Variants in NHLRC3 observed in about 807,000 individuals in gnomAD.
NHLRC3 encodes NHL repeat containing 3.
NHLRC3 carries 23 observed loss-of-function variants against 32.0 expected under a neutral mutation model. The observed-to-expected ratio is 0.72, with a 90% CI of 0.52 to 1.02. The LOEUF is 1.02. Ranked by LOEUF, NHLRC3 falls within the 50% of genes least tolerant of loss-of-function variation. The pLI, the probability that NHLRC3 is intolerant of heterozygous loss-of-function variation, is 0.00. For synonymous variants in NHLRC3, 159 were observed against 147.9 expected (o/e 1.08, Z -0.55); for missense variants, 407 against 406.8 (o/e 1.00, Z -0.01).
intron 3 of NHLRC3, 48 bp from the exon 4 acceptor site, chr13:39,042,057 G>A (rs748861996): frequency 1.2e-5 from 14 of 1,136,078 alleles, no homozygotes; most frequent in African/African-American, 6.2e-5. Context: ...AAATCTGAAT[G>A]TTTGTATAGT....
chr13:39,047,862 T>C lies in NHLRC3; in HGVS notation c.980T>C (p.Ile327Thr), dbSNP rs1272705197. The change falls in exon 7 of 7, where the codon ATT (isoleucine) becomes ACT (threonine). Residue 327 changes from isoleucine (I) to threonine (T), a missense_variant. Physicochemically the swap from Ile to Thr is moderately conservative, Grantham distance 89. Transcript: ENST00000379600. ...ACTGGAGCAGTCTATGTAGCAGAAATTGGAGCAAAACAAGTACAAAAATAT... is the reference window on the plus strand; with the variant it reads ...ACTGGAGCAGTCTATGTAGCAGAAACTGGAGCAAAACAAGTACAAAAATAT... ...RKTGAVYVAEIGAKQVQKYVP... is the reference protein window; with the variant it reads ...RKTGAVYVAETGAKQVQKYVP... 1.2e-6 allele frequency: 2 copies of C among 1,613,916 alleles called. No homozygotes were observed. Among genetic ancestry groups the C allele is most frequent in the South Asian group, 1.1e-5 (1 of 91,076 alleles).
chr13:39,049,251 C>T lies in NHLRC3; in HGVS notation c.*1325C>T, dbSNP rs1007152753. ...GTTATGGCTGGAGTATTTTCCAGACCTGAAGGGACTCACACTTGTTTTGAT... is the reference window on the plus strand; with the variant it reads ...GTTATGGCTGGAGTATTTTCCAGACTTGAAGGGACTCACACTTGTTTTGAT... On this transcript the variant is annotated 3_prime_UTR_variant, in exon 7 of 7. Coordinates refer to ENST00000379600, the MANE Select transcript of NHLRC3 (RefSeq NM_001012754.4). The T allele has an allele frequency of 6.6e-6, 1 of 152,570 alleles. No homozygotes were observed. Among genetic ancestry groups the T allele is most frequent in the African/African-American group, 2.4e-5 (1 of 41,424 alleles). 9.5% of individuals were successfully genotyped at this position (152,570 alleles called of 1,614,324 possible). A position where few individuals can be genotyped will look rare whatever the true frequency, so the allele number is the denominator to read the frequency against.
chr13:39,047,001 A>T (rs1346589341), intron 5 of NHLRC3, 39 bp from the exon 6 acceptor site: 3 of 1,210,990 alleles, frequency 2.5e-6, no homozygotes, highest in African/African-American at 1.5e-5. Flanking sequence ...TTTTCTTCTC[A>T]TGGATATTTT....
At position 39,042,524 on chromosome 13, in the gene NHLRC3, A is replaced by C. The variant is rs151069206; in HGVS notation, c.586+219A>C. Among the ~76,000 whole-genome samples, 446 of 152,334 alleles carry C rather than the reference A, an allele frequency of 2.9e-3. 2 individuals carry two copies. The highest frequency in any genetic ancestry group is 9.6e-3 in the African/African-American group (398 of 41,564). On this transcript the variant is annotated intron_variant, in intron 4 of 6. Transcript: ENST00000379600. The stretch of plus-strand genomic sequence containing the variant: ...TCACCAAAGGCCAGGAGATTCCTCC[A>C]AAAGTAACTGGCAACAGTATGAGAA...
At chr13:39,039,062 A>AGCC in intron 1 of NHLRC3, 74 bp from the exon 2 acceptor site, 3 of 523,988 alleles carry the variant, frequency 5.7e-6, no homozygotes, top group Non-Finnish European at 1.1e-5. Flanking sequence ...AAGCCCTGTT[A>AGCC]CCCGGCCCCC....
rs1049748009 is a variant in NHLRC3 at position 39,049,826 on chromosome 13, A to T, written c.*1900A>T. ...GAAGTGCAAATGCCTCTTTGAAGCA[A>T]TTCAGGCTAGGTAAACCGATTTTGC... On this transcript the variant is annotated 3_prime_UTR_variant, in exon 7 of 7. Transcript: ENST00000379600. 1.5e-4 allele frequency: 23 copies of T among 152,174 alleles called. No individual in the cohort carries two copies. Among genetic ancestry groups the T allele is most frequent in the Admixed American group, 4.6e-4 (7 of 15,288 alleles). The allele number at this position is 152,174 out of a possible 1,614,324, so 9.4% of individuals were successfully genotyped here.
intron 4 of NHLRC3, 124 bp downstream of exon 4, chr13:39,042,429 G>C: frequency 1.7e-6 from 1 of 590,866 alleles, no homozygotes; most frequent in African/African-American, 1.9e-5. Flanking sequence ...GTATTACTAC[G>C]AGAAAACTGA....
Position 39,042,272 on chromosome 13 carries a change from G to C in NHLRC3, c.553G>C (p.Gly185Arg). The change falls in exon 4 of 7, where the codon GGA becomes CGA. Residue 185 changes from glycine to arginine, a missense_variant. By Grantham distance (125) the Gly-to-Arg change is moderately radical. Transcript: ENST00000379600. Reference sequence around the variant, plus strand: ...TATTTACATTGTGGATGGAGATGGAGGATTGAATAACAGATTGATCAAACT... The same window carrying C: ...TATTTACATTGTGGATGGAGATGGACGATTGAATAACAGATTGATCAAACT... Reference protein sequence around the residue: ...GDIYIVDGDGGLNNRLIKLSQ... With the variant: ...GDIYIVDGDGRLNNRLIKLSQ... The C allele has an allele frequency of 6.2e-7, 1 of 1,606,706 alleles. No homozygotes were observed.
rs537122804 is a variant in NHLRC3 at position 39,045,309 on chromosome 13, G to T, written c.678+1128G>T. Among the ~76,000 whole-genome samples the T allele has an allele frequency of 2.0e-5, 3 of 152,244 alleles. No homozygotes were observed. The South Asian group carries it at 6.2e-4, about 32-fold the overall frequency. On this transcript the variant is annotated intron_variant, in intron 5 of 6. Coordinates refer to ENST00000379600, the MANE Select transcript of NHLRC3 (RefSeq NM_001012754.4). ...CTCCTGAGCTTGGGTGACTCATTGT[G>T]TGCTAAGAAAAAAAATCAAATTTCA...
chr13:39,041,266 T>C (rs1405293823), intron 3 of NHLRC3: 1 of 152,154 alleles, frequency 6.6e-6, no homozygotes, highest in Non-Finnish European at 1.5e-5. Flanking sequence ...TGGAGGCTTA[T>C]GTGTTTTTTA....
chr13:39,041,590 T>C (rs1447728264), intron 3 of NHLRC3: 3 of 152,452 alleles, frequency 2.0e-5, no homozygotes, highest in African/African-American at 7.2e-5. Flanking sequence ...CAAAGAAAAG[T>C]TGGGTTGAAT....
At position 39,047,135 on chromosome 13, in the gene NHLRC3, G is replaced by A. The variant is rs1871713005; in HGVS notation, c.774G>A (p.Glu258=). ...LGAWNNCFTE[E]GPSSVRFTPD... ...CATGGAATAATTGTTTCACAGAAGA[G>A]GGACCTTCTTCAGTCAGGTAATTGT... Residue 258 remains glutamate (E), a synonymous_variant, in exon 6 of 7, where the codon GAG becomes GAA. Transcript: ENST00000379600. 2 of 1,590,098 alleles carry A rather than the reference G, an allele frequency of 1.3e-6. No individual in the cohort carries two copies. The highest frequency in any genetic ancestry group is 2.7e-5 in the African/African-American group (2 of 74,458).
intron 5 of NHLRC3, 91 bp downstream of exon 5, chr13:39,044,272 G>A: frequency 3.9e-6 from 3 of 779,092 alleles, no homozygotes; most frequent in Non-Finnish European, 6.4e-6. Context: ...TGTGTGTCTG[G>A]GCATGTATAT....
intron 1 of NHLRC3, 153 bp from the exon 2 acceptor site, chr13:39,038,983 A>G (rs1292871227): frequency 3.0e-6 from 2 of 665,672 alleles, no homozygotes; most frequent in Non-Finnish European, 5.2e-6. Context: ...GTCTTTAGGC[A>G]TCTAAGCTCA....
chr13:39,043,658 T>C (rs1484216386), intron 4 of NHLRC3, among the ~76,000 whole-genome samples: 1 of 152,212 alleles, frequency 6.6e-6, no homozygotes, highest in Middle Eastern at 3.2e-3. Context: ...GAGTTAGGAC[T>C]TGGACATCTT....
rs1191279137 is a variant in NHLRC3 at position 39,049,700 on chromosome 13, CAGGACA to C, written c.*1777_*1782del. 6.6e-6 allele frequency: 1 copy of C among 152,000 alleles called. No individual in the cohort carries two copies. The highest frequency in any genetic ancestry group is 2.4e-5 in the African/African-American group (1 of 41,382). 9.4% of individuals were successfully genotyped at this position (152,000 alleles called of 1,614,324 possible). A position where few individuals can be genotyped will look rare whatever the true frequency, so the allele number is the denominator to read the frequency against. ...GTAATTTCAGGGTTTGTTTTTAAGC[CAGGACA>C]AGAAGTGCAAATGCCTCTTTGAAGC... On this transcript the variant is annotated 3_prime_UTR_variant, in exon 7 of 7. Transcript: ENST00000379600.
rs1405785505 is a variant in NHLRC3, at chr13:39,048,988, CCTA to C, written c.*1064_*1066del. The C allele has an allele frequency of 1.3e-5, 2 of 152,548 alleles. No individual in the cohort carries two copies. The highest frequency in any genetic ancestry group is 2.4e-5 in the African/African-American group (1 of 41,424). 9.4% of individuals were successfully genotyped at this position (152,548 alleles called of 1,614,324 possible). On this transcript the variant is annotated 3_prime_UTR_variant, in exon 7 of 7. Transcript: ENST00000379600. ...TAAGATGATAATTTCCTGCTTTCCT[CCTA>C]CATCTTCTCCTCCCACTCCCTCCTT...
At chr13:39,046,037 A>G (rs1419590239) in intron 5 of NHLRC3, among the ~76,000 whole-genome samples, 1 of 152,180 alleles carries the variant, frequency 6.6e-6, no homozygotes, top group African/African-American at 2.4e-5. Context: ...AAGTCATCAA[A>G]AACCATTTCC....
rs374796964 is a variant in NHLRC3 at position 39,038,616 on chromosome 13, C to T, written c.-24C>T. 2.5e-6 allele frequency: 4 copies of T among 1,606,972 alleles called. No individual in the cohort carries two copies. The highest frequency in any genetic ancestry group is 2.6e-6 in the Non-Finnish European group (3 of 1,173,546). Reference sequence around the variant, plus strand: ...CTCCCCCAGACACCTGCGGACCCTCCCTCTCCTGGCTTCCCGTCTGGTCAT... The same window carrying T: ...CTCCCCCAGACACCTGCGGACCCTCTCTCTCCTGGCTTCCCGTCTGGTCAT... On this transcript the variant is annotated 5_prime_UTR_variant, in exon 1 of 7. Coordinates refer to ENST00000379600, the MANE Select transcript of NHLRC3 (RefSeq NM_001012754.4).
Sources: gnomAD v4.1 joint callset for allele counts (sites outside exome capture counted in the v4.1 genomes callset) on GRCh38, gnomAD v4.1.1 for gene constraint, MANE v1.5 for transcripts, NCBI Gene and HGNC (gene_info 2026-07-23, HGNC 2026-07-21) for gene names.